Variants in MAN1A2 observed in about 807,000 individuals in gnomAD.
MAN1A2 encodes the protein mannosidase alpha class 1A member 2.
A neutral mutation model predicts 75.7 loss-of-function variants in MAN1A2; 26 were observed. The ratio of observed to expected loss-of-function variants is 0.34; its 90% CI spans 0.25 to 0.48. The LOEUF (loss-of-function observed/expected upper bound fraction) is 0.48, where lower values mean the gene tolerates loss of function less well. Among genes scored for constraint, MAN1A2 ranks in the 20% least tolerant of loss-of-function variants. The pLI, the probability that MAN1A2 is intolerant of heterozygous loss-of-function variation, is 0.99. For missense variants in MAN1A2, 562 were observed against 775.5 expected, an observed-to-expected ratio of 0.72 and a Z score of 3.27; for synonymous variants, 247 against 264.6, an observed-to-expected ratio of 0.93 and a Z score of 0.65.
At chr1:117,482,777 G>A (rs1341139855) in intron 8 of MAN1A2, among the ~76,000 whole-genome samples, 1 of 151,982 alleles carries the variant, frequency 6.6e-6, no homozygotes, top group Admixed American at 6.6e-5. Flanking sequence ...GGCTTTTGTT[G>A]CCATTGCTTT....
At chr1:117,512,820 TTAATA>T (rs1379120180) in intron 12 of MAN1A2, among the ~76,000 whole-genome samples, 5 of 150,348 alleles carry the variant, frequency 3.3e-5, no homozygotes, top group Admixed American at 1.4e-4. Flanking sequence ...CTTCTACTAT[TTAATA>T]TAAGCATTTT....
rs76816381 is a variant in MAN1A2, at chr1:117,423,020, T to C, written c.855+2371T>C. ...ACAAAGATTTTCTCTTAAGTTTTCT[T>C]CCAAAACTATTATAGCTTTACTTTA... On this transcript the variant is annotated intron_variant, in intron 5 of 12. Transcript: ENST00000356554. 3.8e-3 allele frequency among the ~76,000 whole-genome samples: 584 copies of C among 152,300 alleles called. 7 individuals are homozygous for C. Among genetic ancestry groups the C allele is most frequent in the African/African-American group, 0.013 (555 of 41,580 alleles).
intron 3 of MAN1A2, among the ~76,000 whole-genome samples, chr1:117,410,217 A>G (rs527518741): frequency 5.9e-5 from 9 of 152,068 alleles, no homozygotes; most frequent in African/African-American, 2.2e-4. Flanking sequence ...CTGAAGGCTG[A>G]GTGTATATTA....
rs1422213798 is a variant in MAN1A2, at chr1:117,466,396, T to C, written c.1137T>C (p.Tyr379=). 9.3e-6 allele frequency: 15 copies of C among 1,611,988 alleles called. No homozygotes were observed. The highest frequency in any genetic ancestry group is 1.2e-5 in the Non-Finnish European group (14 of 1,178,808). The change falls in exon 8 of 13, where the codon TAT becomes TAC. Residue 379 remains tyrosine, a synonymous_variant. Coordinates refer to ENST00000356554, the MANE Select transcript of MAN1A2 (RefSeq NM_006699.5). ...MDRPNGLYPN[Y]LNPRTGRWGQ... ...GTCCAAATGGTCTTTATCCAAATTA[T>C]TTGAACCCCAGAACAGGGCGCTGGG...
intron 5 of MAN1A2, among the ~76,000 whole-genome samples, chr1:117,434,978 G>A (rs868023331): frequency 7.2e-5 from 11 of 151,840 alleles, no homozygotes; most frequent in Admixed American, 2.0e-4. Flanking sequence ...TGTCTCTCAG[G>A]TTTCTGTTTT....
intron 8 of MAN1A2, among the ~76,000 whole-genome samples, chr1:117,482,500 G>A (rs1650531768): frequency 1.3e-5 from 2 of 151,958 alleles, no homozygotes; most frequent in African/African-American, 2.4e-5. Context: ...GTGTCTGTTG[G>A]CTGCATATAC....
Position 117,414,712 on chromosome 1 carries a change from G to A in MAN1A2, c.656-1G>A. On this transcript the variant is annotated splice_acceptor_variant, in intron 3 of 12. Coordinates refer to ENST00000356554, the MANE Select transcript of MAN1A2 (RefSeq NM_006699.5). LOFTEE classifies it high-confidence loss of function. ...GATAATTTTTTTCTTCCCAAATATA[G>A]GAAGTTCACAAATGGGTGCTACCAT... 1 of 1,520,422 alleles carries A rather than the reference G, an allele frequency of 6.6e-7. No homozygotes were observed. The highest frequency in any genetic ancestry group is 9.1e-7 in the Non-Finnish European group (1 of 1,096,622). The allele number at this position is 1,520,422 out of a possible 1,614,324, so 94.2% of individuals were successfully genotyped here.
At chr1:117,398,768 C>T (rs568607277) in intron 1 of MAN1A2, among the ~76,000 whole-genome samples, 13 of 151,808 alleles carry the variant, frequency 8.6e-5, no homozygotes, top group African/African-American at 2.9e-4. Context: ...TAGATAGAAG[C>T]TACATTATAC....
At chr1:117,413,445 T>C (rs1410986156) in intron 3 of MAN1A2, among the ~76,000 whole-genome samples, 1 of 151,742 alleles carries the variant, frequency 6.6e-6, no homozygotes, top group Admixed American at 6.6e-5. Context: ...AAATGGAAAA[T>C]GTGAACTAAG....
intron 5 of MAN1A2, among the ~76,000 whole-genome samples, chr1:117,423,515 TA>T (rs1406316839): frequency 1.3e-5 from 2 of 152,204 alleles, no homozygotes; most frequent in African/African-American, 4.8e-5. Flanking sequence ...TCCATTTATT[TA>T]TTTTTTTATT....
Position 117,437,958 on chromosome 1 carries a change from T to G in MAN1A2, c.856-4273T>G, listed in dbSNP as rs547910788. 1.7e-3 allele frequency among the ~76,000 whole-genome samples: 252 copies of G among 152,356 alleles called. 1 individual carries two copies. Among genetic ancestry groups the G allele is most frequent in the African/African-American group, 5.8e-3 (241 of 41,592 alleles). On this transcript the variant is annotated intron_variant, in intron 5 of 12. Transcript: ENST00000356554. ...TGAGCATCTGCTATATGCTAGGCAC[T>G]CTTCTAAGCATTGAAAACAAATTTA...
chr1:117,374,709 T>C (rs1490470421), intron 1 of MAN1A2, among the ~76,000 whole-genome samples: 1 of 152,236 alleles, frequency 6.6e-6, no homozygotes, highest in Non-Finnish European at 1.5e-5. Context: ...TGTGCCTCGA[T>C]GTTCTTATTT....
chr1:117,497,038 T>C, intron 10 of MAN1A2, 56 bp downstream of exon 10: 3 of 1,422,990 alleles, frequency 2.1e-6, no homozygotes, highest in South Asian at 2.6e-5. Context: ...AAGTTAAAAA[T>C]GTGTTCAGCA....
intron 3 of MAN1A2, among the ~76,000 whole-genome samples, chr1:117,408,727 CT>C (rs1647702357): frequency 6.6e-6 from 1 of 151,070 alleles, no homozygotes; most frequent in Non-Finnish European, 1.5e-5. Context: ...TTATTTTTTT[CT>C]TTAATGTTTG....
intron 6 of MAN1A2, 113 bp downstream of exon 6, chr1:117,442,438 C>A (rs190627308): frequency 5.6e-5 from 36 of 642,052 alleles, no homozygotes; most frequent in South Asian, 8.1e-5. Flanking sequence ...GTTTTTCTCT[C>A]TATATATAAT....
intron 12 of MAN1A2, among the ~76,000 whole-genome samples, chr1:117,518,279 G>A (rs1220573494): frequency 6.6e-6 from 1 of 151,918 alleles, no homozygotes. Context: ...GAATACTGGA[G>A]AAAAGATAAA....
chr1:117,461,963 A>G (rs1432982808), intron 7 of MAN1A2, among the ~76,000 whole-genome samples: 1 of 152,212 alleles, frequency 6.6e-6, no homozygotes, highest in Non-Finnish European at 1.5e-5. Context: ...AGTTATCAAC[A>G]TTGACAGTAT....
chr1:117,399,886 T>C (rs1458177433), intron 1 of MAN1A2, among the ~76,000 whole-genome samples: 1 of 152,194 alleles, frequency 6.6e-6, no homozygotes, highest in East Asian at 1.9e-4. Flanking sequence ...AATAGGGTTT[T>C]ATGGCTACCC....
chr1:117,369,676 A>T (rs529339672), intron 1 of MAN1A2, among the ~76,000 whole-genome samples: 61 of 152,242 alleles, frequency 4.0e-4, no homozygotes, highest in Admixed American at 7.2e-4. Context: ...TTTTGTAACT[A>T]AGTTAATTTG....
Sources: allele counts gnomAD v4.1 joint callset (sites outside exome capture counted in the v4.1 genomes callset), GRCh38; gene constraint gnomAD v4.1.1; transcripts MANE v1.5; gene names NCBI Gene and HGNC (gene_info 2026-07-23, HGNC 2026-07-21).